Variants in TENM2 observed in about 807,000 individuals in gnomAD.
TENM2 encodes the protein teneurin-2.
Under a neutral mutation model 245.2 loss-of-function variants are expected in TENM2, and 52 were observed. The observed-to-expected ratio is 0.21, with a 90% CI of 0.17 to 0.27. The LOEUF (loss-of-function observed/expected upper bound fraction) is 0.27, where lower values mean the gene tolerates loss of function less well. Ranked by LOEUF, TENM2 falls within the 10% of genes least tolerant of loss-of-function variation. The pLI is 1.00. For missense variants in TENM2, 3,046 were observed against 3,666.8 expected (o/e 0.83, Z 4.37); for synonymous variants, 1,363 against 1,438.9 (o/e 0.95, Z 1.19).
chr5:167,004,474 T>TA, the TENM2 span, among the ~76,000 whole-genome samples: 5 of 152,218 alleles, frequency 3.3e-5, no homozygotes, highest in African/African-American at 1.2e-4. Context: ...CAGTGTTATG[T>TA]AATCTGGTTC....
At chr5:167,295,131 A>T (rs576649874) in intron 1 of TENM2, among the ~76,000 whole-genome samples, 44 of 152,328 alleles carry the variant, frequency 2.9e-4, no homozygotes, top group Non-Finnish European at 5.1e-4. Context: ...CTACCAGGGA[A>T]TTTGCTCTTT....
At chr5:167,497,618 C>T (rs575768516) in intron 2 of TENM2, among the ~76,000 whole-genome samples, 11 of 152,042 alleles carry the variant, frequency 7.2e-5, no homozygotes, top group African/African-American at 2.6e-4. Context: ...CTAAAGACCC[C>T]CCGCAGTTTC....
At chr5:168,136,506 G>T (rs1755061057) in intron 12 of TENM2, among the ~76,000 whole-genome samples, 2 of 152,264 alleles carry the variant, frequency 1.3e-5, no homozygotes, top group Admixed American at 6.5e-5. Context: ...CAGCACCATT[G>T]GTGCTCACGC....
chr5:167,277,040 T>G, the TENM2 span, among the ~76,000 whole-genome samples: 1 of 152,182 alleles, frequency 6.6e-6, no homozygotes, highest in Non-Finnish European at 1.5e-5. Context: ...TTGTCATTCT[T>G]ATTGATCTTT....
chr5:167,830,437 G>A lies in TENM2; in HGVS notation c.503-45549G>A, dbSNP rs181423222. Among the ~76,000 whole-genome samples, 6 of 152,218 alleles carry A rather than the reference G, an allele frequency of 3.9e-5. No homozygotes were observed. In the East Asian group the frequency reaches 1.2e-3, roughly 29 times the overall value. On this transcript the variant is annotated intron_variant, in intron 2 of 28. Coordinates refer to ENST00000518659, the Ensembl canonical transcript of TENM2. ...AATGAAGTTAAATACCTCTCTGGAT[G>A]TTTCTTTTCTATTGATTGAGCTATA...
chr5:167,486,476 C>A (rs1768083545), intron 2 of TENM2, among the ~76,000 whole-genome samples: 1 of 151,906 alleles, frequency 6.6e-6, no homozygotes, highest in African/African-American at 2.4e-5. Context: ...CTACAGGCAC[C>A]TGCCACCACG....
the TENM2 span, among the ~76,000 whole-genome samples, chr5:167,112,262 CT>C: frequency 6.6e-6 from 1 of 152,216 alleles, no homozygotes; most frequent in South Asian, 2.1e-4. Flanking sequence ...CGTATTTCTC[CT>C]TTTCACACAC....
At chr5:167,784,086 T>A (rs1374491279) in intron 2 of TENM2, among the ~76,000 whole-genome samples, 1 of 152,164 alleles carries the variant, frequency 6.6e-6, no homozygotes, top group Non-Finnish European at 1.5e-5. Context: ...TTTAATTTAA[T>A]TGAGAAAAAT....
chr5:167,912,784 C>A (rs72835654), intron 3 of TENM2, among the ~76,000 whole-genome samples: 2,550 of 152,252 alleles, frequency 0.017, 34 homozygotes, highest in Non-Finnish European at 0.023. Flanking sequence ...ACTTTTAGAA[C>A]ACTGATTTTG....
chr5:167,320,360 A>C (rs9313373), intron 1 of TENM2, among the ~76,000 whole-genome samples: 1 of 152,222 alleles, frequency 6.6e-6, no homozygotes, highest in Admixed American at 6.5e-5. Context: ...AGGACCCAAA[A>C]GAAGAAATGG....
chr5:167,327,132 G>A lies in TENM2; in HGVS notation c.226+42069G>A, dbSNP rs1014036461. ...GTTGGTGTGCTGCACCCATTAACTC[G>A]TCATTTAGCATTAGATATATCTCCT... On this transcript the variant is annotated intron_variant, in intron 1 of 28. Transcript: ENST00000518659. Among the ~76,000 whole-genome samples, 19 of 152,096 alleles carry A rather than the reference G, an allele frequency of 1.2e-4. 1 individual carries two copies. Among genetic ancestry groups the A allele is most frequent in the African/African-American group, 3.6e-4 (15 of 41,480 alleles).
intron 2 of TENM2, among the ~76,000 whole-genome samples, chr5:167,515,650 C>CACATATATACGTATATATGTATATAT (rs1554168378): frequency 7.8e-6 from 1 of 128,058 alleles, no homozygotes. Flanking sequence ...TATATATATA[C>CACATATATACGTATATATGTATATAT]ACATATATAC....
intron 5 of TENM2, among the ~76,000 whole-genome samples, chr5:168,041,004 G>T (rs1381484555): frequency 6.6e-6 from 1 of 152,222 alleles, no homozygotes; most frequent in South Asian, 2.1e-4. Context: ...GTATTCATGA[G>T]TGAGCCTTGA....
the TENM2 span, among the ~76,000 whole-genome samples, chr5:167,080,020 C>T: frequency 6.6e-6 from 1 of 152,174 alleles, no homozygotes; most frequent in African/African-American, 2.4e-5. Context: ...GAAGTTCAGA[C>T]AGACAGCTTT....
chr5:167,196,226 C>T, the TENM2 span, among the ~76,000 whole-genome samples: 1 of 151,658 alleles, frequency 6.6e-6, no homozygotes, highest in African/African-American at 2.4e-5. Context: ...TAAACATAGA[C>T]AAAGTACAGT....
intron 2 of TENM2, among the ~76,000 whole-genome samples, chr5:167,713,848 C>T (rs531297554): frequency 2.6e-5 from 4 of 152,282 alleles, no homozygotes; most frequent in South Asian, 2.1e-4. Flanking sequence ...TCTCATTTCC[C>T]TTTTCCCCTT....
At chr5:167,842,981 T>G (rs1769689379) in intron 2 of TENM2, among the ~76,000 whole-genome samples, 1 of 152,170 alleles carries the variant, frequency 6.6e-6, no homozygotes, top group Admixed American at 6.5e-5. Context: ...AAATGCCTCC[T>G]ACATAGCACT....
At chr5:167,073,769 G>A in the TENM2 span, among the ~76,000 whole-genome samples, 1 of 152,128 alleles carries the variant, frequency 6.6e-6, no homozygotes, top group Non-Finnish European at 1.5e-5. Flanking sequence ...AGGCCTTTTG[G>A]ATGGAAAAAC....
At chr5:167,822,663 C>T (rs1767626675) in intron 2 of TENM2, among the ~76,000 whole-genome samples, 1 of 130,908 alleles carries the variant, frequency 7.6e-6, no homozygotes. Context: ...CATGCAAAGG[C>T]CTTTACTTTT....
Sources: allele counts gnomAD v4.1 joint callset (sites outside exome capture counted in the v4.1 genomes callset), GRCh38; gene constraint gnomAD v4.1.1; transcripts MANE v1.5; gene names NCBI Gene and HGNC (gene_info 2026-07-23, HGNC 2026-07-21).